Variants in ASPH observed in about 807,000 individuals in gnomAD.
The protein encoded by ASPH is aspartate beta-hydroxylase.
ASPH carries 100 observed loss-of-function variants against 118.4 expected under a neutral mutation model. The ratio of observed to expected loss-of-function variants is 0.84; its 90% CI spans 0.72 to 1.00. The LOEUF is 1.00. ASPH is among the 50% of genes least tolerant of loss of function. The pLI is 0.00. For synonymous variants in ASPH, 315 were observed against 325.6 expected (o/e 0.97, Z 0.35); for missense variants, 920 against 919.5 (o/e 1.00, Z -0.01).
chr8:61,540,714 A>AT lies in ASPH; in HGVS notation c.1764+7356dup, dbSNP rs532835128. The stretch of plus-strand genomic sequence containing the variant: ...CCAAAGGGGAAAACACATATGATGC[A>AT]TTTTACTGAGCACTGTCCCCTGCCT... On this transcript the variant is annotated intron_variant, in intron 21 of 24. Coordinates refer to ENST00000379454, the MANE Select transcript of ASPH (RefSeq NM_004318.4). Among the ~76,000 whole-genome samples the AT allele has an allele frequency of 2.6e-4, 40 of 152,302 alleles. 1 individual carries two copies. In the South Asian group the frequency reaches 5.2e-3, roughly 20 times the overall value.
intron 17 of ASPH, among the ~76,000 whole-genome samples, chr8:61,565,974 T>C (rs1831554222): frequency 1.3e-5 from 2 of 152,182 alleles, no homozygotes; most frequent in Admixed American, 1.3e-4. Context: ...TTGAATATTT[T>C]AAGCCCACTG....
In ASPH at chr8:61,500,800, A is replaced by AATG. The variant is rs1171318332; in HGVS notation, c.*2556_*2558dup. 1 of 152,186 alleles carries AATG rather than the reference A, an allele frequency of 6.6e-6. No homozygotes were observed. The highest frequency in any genetic ancestry group is 1.5e-5 in the Non-Finnish European group (1 of 68,038). The allele number at this position is 152,186 out of a possible 1,614,324, so 9.4% of individuals were successfully genotyped here. On this transcript the variant is annotated 3_prime_UTR_variant, in exon 25 of 25. Transcript: ENST00000379454. ...GTCAAACAAAAATATTTTAGTTAATAATGGGCAGTAAAATATGATTTTACA... is the reference window on the plus strand; with the variant it reads ...GTCAAACAAAAATATTTTAGTTAATAATGATGGGCAGTAAAATATGATTTTACA...
Position 61,502,694 on chromosome 8 carries a change from A to T in ASPH, c.*665T>A, listed in dbSNP as rs1466315151. ...TCTCCACCACTAGCATAGTGAGAAG[A>T]GGATCTCAATCAAGATAAAAAAAAC... On this transcript the variant is annotated 3_prime_UTR_variant, in exon 25 of 25. Transcript: ENST00000379454. 2 of 152,226 alleles carry T rather than the reference A, an allele frequency of 1.3e-5. No homozygotes were observed. The highest frequency in any genetic ancestry group is 2.9e-5 in the Non-Finnish European group (2 of 68,036). 9.4% of individuals were successfully genotyped at this position (152,226 alleles called of 1,614,324 possible).
At chr8:61,517,353 G>T in intron 24 of ASPH, 175 bp downstream of exon 24, 2 of 901,828 alleles carry the variant, frequency 2.2e-6, no homozygotes, top group Non-Finnish European at 1.6e-6. Flanking sequence ...AATGTCTCCA[G>T]GCTAATAGAA....
chr8:61,714,123 C>T lies in ASPH; in HGVS notation c.103+146G>A, dbSNP rs568304669. ...CCAGGCCCGCCGAATGCGGCCTCCG[C>T]CCCGCGCGCCTAAAGGAGGAGCGTC... is the stretch of plus-strand genomic sequence containing the variant. On this transcript the variant is annotated intron_variant, in intron 1 of 24. Coordinates refer to ENST00000379454, the MANE Select transcript of ASPH (RefSeq NM_004318.4). 1.4e-4 allele frequency: 170 copies of T among 1,232,188 alleles called. 2 individuals are homozygous for T. In the African/African-American group the frequency reaches 2.4e-3, roughly 18 times the overall value. 76.3% of individuals were successfully genotyped at this position (1,232,188 alleles called of 1,614,324 possible).
At chr8:61,657,421 T>C (rs1432450464) in intron 3 of ASPH, 3 of 152,196 alleles carry the variant, frequency 2.0e-5, no homozygotes, top group African/African-American at 7.2e-5. Flanking sequence ...CTAGACTGTA[T>C]GCAACATCCT....
rs1209699438 is a variant in ASPH at position 61,663,221 on chromosome 8, G to A, written c.323-9561C>T. On this transcript the variant is annotated intron_variant, in intron 3 of 24. Transcript: ENST00000379454. ...AAAGCCTCACTTTCTTGTCCCAGAA[G>A]CCCTACATTTGATGAAGTTTGAGTG... 2.3e-5 allele frequency: 23 copies of A among 985,176 alleles called. No homozygotes were observed. In the Admixed American group the frequency reaches 1.4e-3, roughly 58 times the overall value. The allele number at this position is 985,176 out of a possible 1,614,324, so 61.0% of individuals were successfully genotyped here.
chr8:61,564,855 T>C (rs938446765), intron 17 of ASPH, among the ~76,000 whole-genome samples: 2 of 152,240 alleles, frequency 1.3e-5, no homozygotes, highest in South Asian at 2.1e-4. Context: ...CCATTGGGCC[T>C]TGACTCTAAT....
chr8:61,517,794 CTT>C (rs1811450014), intron 23 of ASPH, 133 bp from the exon 24 acceptor site: 1 of 1,300,234 alleles, frequency 7.7e-7, no homozygotes, highest in Non-Finnish European at 1.0e-6. Context: ...ATATTCAAGT[CTT>C]ATTTCTTTGT....
chr8:61,567,170 A>T lies in ASPH; in HGVS notation c.1298T>A (p.Leu433Gln). The change falls in exon 17 of 25, where the codon CTA becomes CAA. Residue 433 changes from leucine (L) to glutamine (Q), a missense_variant and splice_region_variant. Physicochemically the swap from Leu to Gln is moderately radical, Grantham distance 113. Transcript: ENST00000379454. The part of the protein sequence containing the change: ...LKRRSDRQQF[L>Q]GHMRGSLLTL... ...AATTACCTTTGATTGCATCTTACCT[A>T]GAAATTGTTGCCTGTCTGAGCGACG... is the stretch of plus-strand genomic sequence containing the variant. 6.2e-7 allele frequency: 1 copy of T among 1,613,434 alleles called. No individual in the cohort carries two copies. The highest frequency in any genetic ancestry group is 8.5e-7 in the Non-Finnish European group (1 of 1,179,778).
At chr8:61,587,990 G>A (rs900304703) in intron 14 of ASPH, among the ~76,000 whole-genome samples, 2 of 152,080 alleles carry the variant, frequency 1.3e-5, no homozygotes, top group Non-Finnish European at 2.9e-5. Flanking sequence ...GATGTGGGCT[G>A]CTTCTCTTAA....
chr8:61,645,204 T>C (rs1807318157), intron 6 of ASPH, among the ~76,000 whole-genome samples: 1 of 152,190 alleles, frequency 6.6e-6, no homozygotes, highest in South Asian at 2.1e-4. Context: ...CTGAAGACTT[T>C]TAACAACCAA....
chr8:61,526,119 G>A lies in ASPH; in HGVS notation c.1765-7C>T. On this transcript the variant is annotated splice_polypyrimidine_tract_variant and splice_region_variant and intron_variant, in intron 21 of 24. Coordinates refer to ENST00000379454, the MANE Select transcript of ASPH (RefSeq NM_004318.4). Reference sequence around the variant, plus strand: ...TCCAGTTTCTTTCTAAAGACTAGAGGGAAGATTCTGGCTTTACTGGACTGA... The same window carrying A: ...TCCAGTTTCTTTCTAAAGACTAGAGAGAAGATTCTGGCTTTACTGGACTGA... The A allele has an allele frequency of 6.2e-7, 1 of 1,613,796 alleles. No individual in the cohort carries two copies. Among genetic ancestry groups the A allele is most frequent in the South Asian group, 1.1e-5 (1 of 91,054 alleles).
At chr8:61,572,696 G>A (rs918046074) in intron 16 of ASPH, among the ~76,000 whole-genome samples, 1 of 152,092 alleles carries the variant, frequency 6.6e-6, no homozygotes, top group African/African-American at 2.4e-5. Flanking sequence ...CATCTCTTGT[G>A]TACACTTGCA....
At chr8:61,627,446 A>T (rs1407664952) in intron 13 of ASPH, among the ~76,000 whole-genome samples, 1 of 152,192 alleles carries the variant, frequency 6.6e-6, no homozygotes, top group Non-Finnish European at 1.5e-5. Context: ...AGGTAGGAAG[A>T]GGGAGACATT....
intron 24 of ASPH, chr8:61,517,247 C>T (rs145799946): frequency 0.013 from 4,656 of 355,398 alleles, 82 homozygotes; most frequent in South Asian, 0.06. Context: ...ACTCTGAATG[C>T]ACATCTGTCT....
intron 18 of ASPH, among the ~76,000 whole-genome samples, chr8:61,558,215 C>T (rs1323488613): frequency 6.6e-6 from 1 of 152,142 alleles, no homozygotes; most frequent in Admixed American, 6.5e-5. Flanking sequence ...GGGCACCTGG[C>T]TCACTCTAGG....
chr8:61,586,927 CG>C (rs1417757162), intron 14 of ASPH, among the ~76,000 whole-genome samples: 1 of 152,140 alleles, frequency 6.6e-6, no homozygotes, highest in South Asian at 2.1e-4. Flanking sequence ...TCGTGCTGAG[CG>C]GAACTGCAAG....
At chr8:61,638,233 C>T in intron 11 of ASPH, 89 bp downstream of exon 11, 4 of 1,480,958 alleles carry the variant, frequency 2.7e-6, no homozygotes, top group Non-Finnish European at 3.7e-6. Context: ...ATTTTTTCTA[C>T]ACTGACTCTT....
Sources: allele counts gnomAD v4.1 joint callset (sites outside exome capture counted in the v4.1 genomes callset), GRCh38; gene constraint gnomAD v4.1.1; transcripts MANE v1.5; gene names NCBI Gene and HGNC (gene_info 2026-07-23, HGNC 2026-07-21).